The following CLPSL2 variants were observed in gnomAD, a reference collection of about 807,000 sequenced individuals.
CLPSL2 encodes the protein colipase-like protein 2.
CLPSL2 carries 4 observed loss-of-function variants against 7.9 expected under a neutral mutation model. The observed-to-expected ratio is 0.50, with a 90% confidence interval of 0.25 to 1.15. CLPSL2 has a LOEUF of 1.15. Ranked by LOEUF, CLPSL2 falls within the 50% of genes most tolerant of loss-of-function variation. CLPSL2 has a pLI of 0.15. For synonymous variants in CLPSL2, 67 were observed against 53.1 expected (o/e 1.26, Z -1.14); for missense variants, 132 against 136.6 (o/e 0.97, Z 0.17).
At position 35,777,514 on chromosome 6, in the gene CLPSL2, T is replaced by C. The variant is rs779313231; in HGVS notation, c.140T>C (p.Met47Thr). ...HSECYSGCCL[M>T]DLDSGGAFCA... ...GAGTGCTACAGTGGCTGCTGCCTCA[T>C]GGACTTGGACTCCGGTGGAGCCTTC... The change falls in exon 2 of 3, where the codon ATG becomes ACG. Residue 47 changes from methionine to threonine, a missense_variant. By Grantham distance (81) the Met-to-Thr change is moderately conservative (BLOSUM62 -1). Transcript: ENST00000403376. 4 of 1,613,750 alleles carry C rather than the reference T, an allele frequency of 2.5e-6. No individual in the cohort carries two copies. The South Asian group carries it at 4.4e-5, about 18-fold the overall frequency.
chr6:35,777,510 C>G lies in CLPSL2; in HGVS notation c.136C>G (p.Leu46Val). 6.2e-7 allele frequency: 1 copy of G among 1,613,778 alleles called. No individual in the cohort carries two copies. The highest frequency in any genetic ancestry group is 8.5e-7 in the Non-Finnish European group (1 of 1,179,802). Residue 46 changes from leucine (L) to valine (V), a missense_variant, in exon 2 of 3, where the codon CTC (leucine) becomes GTC (valine). Coordinates refer to ENST00000403376, the MANE Select transcript of CLPSL2 (RefSeq NM_207409.4). ...HHSECYSGCC[L>V]MDLDSGGAFC... is the part of the protein sequence containing the mutation. Reference sequence around the variant, plus strand: ...CTCTGAGTGCTACAGTGGCTGCTGCCTCATGGACTTGGACTCCGGTGGAGC... The same window carrying G: ...CTCTGAGTGCTACAGTGGCTGCTGCGTCATGGACTTGGACTCCGGTGGAGC...
intron 1 of CLPSL2, chr6:35,776,925 T>A (rs1767848638): frequency 4.8e-6 from 2 of 415,704 alleles, no homozygotes; most frequent in Admixed American, 4.5e-5. Flanking sequence ...ACCAGCACCC[T>A]CGCTCCCTCC....
chr6:35,777,793 A>AC, intron 2 of CLPSL2: 1 of 720,606 alleles, frequency 1.4e-6, no homozygotes, highest in South Asian at 1.5e-5. Flanking sequence ...CTGGGGTCAG[A>AC]CCCTCAGCAG....
rs756983652 is a variant in CLPSL2, at chr6:35,779,328, C to T, written c.208-27C>T. 3.3e-6 allele frequency: 5 copies of T among 1,528,220 alleles called. No homozygotes were observed. In the South Asian group the frequency reaches 3.6e-5, roughly 11 times the overall value. 94.7% of individuals were successfully genotyped at this position (1,528,220 alleles called of 1,614,324 possible). ...CCATCCTTCCTGCATCCTGGTGACT[C>T]CCGATTCTCATACCCACTCCCTGCA... is the stretch of plus-strand genomic sequence containing the variant. On this transcript the variant is annotated intron_variant, in intron 2 of 2. Transcript: ENST00000403376.
chr6:35,779,329 C>T (rs1462537850), intron 2 of CLPSL2, 26 bp from the exon 3 acceptor site: 13 of 1,528,808 alleles, frequency 8.5e-6, no homozygotes, highest in Non-Finnish European at 1.2e-5. Flanking sequence ...CTGGTGACTC[C>T]CGATTCTCAT....
At chr6:35,778,000 G>A (rs1441973073) in intron 2 of CLPSL2, 1 of 685,866 alleles carries the variant, frequency 1.5e-6, no homozygotes, top group African/African-American at 1.8e-5. Context: ...CTGTCACCCA[G>A]GCTAGAGTGC....
Position 35,779,550 on chromosome 6 carries a change from G to A in CLPSL2, c.*100G>A. ...TCCTGAGACATTAAAGTCACTTCCT[G>A]TCCTTGGCCTCTGTCTGTACTTTCT... is the stretch of plus-strand genomic sequence containing the variant. On this transcript the variant is annotated 3_prime_UTR_variant, in exon 3 of 3. Transcript: ENST00000403376. 5 of 1,543,312 alleles carry A rather than the reference G, an allele frequency of 3.2e-6. No homozygotes were observed. Among genetic ancestry groups the A allele is most frequent in the Non-Finnish European group, 4.4e-6 (5 of 1,140,018 alleles).
chr6:35,779,063 C>T (rs2478468), intron 2 of CLPSL2, among the ~76,000 whole-genome samples: 41,916 of 151,980 alleles, frequency 0.28, 6,001 homozygotes, highest in South Asian at 0.35. Flanking sequence ...TGAGCCACCG[C>T]GCATGGCCTA....
chr6:35,777,329 C>G, intron 1 of CLPSL2, 130 bp from the exon 2 acceptor site: 2 of 1,053,448 alleles, frequency 1.9e-6, no homozygotes, highest in East Asian at 2.5e-5. Flanking sequence ...ACCAGCCCCC[C>G]AAGGGGTGAC....
intron 1 of CLPSL2, 41 bp from the exon 2 acceptor site, chr6:35,777,418 G>A (rs751776090): frequency 1.2e-6 from 2 of 1,608,524 alleles, no homozygotes; most frequent in Non-Finnish European, 1.7e-6. Flanking sequence ...ACGACTCAGG[G>A]ATTGCTCCCA....
chr6:35,778,639 G>T (rs79538541), intron 2 of CLPSL2, among the ~76,000 whole-genome samples: 2 of 152,182 alleles, frequency 1.3e-5, no homozygotes, highest in Non-Finnish European at 2.9e-5. Context: ...TGCTCAGTAC[G>T]CCCTGTTCCT....
At chr6:35,776,825 A>C (rs1448472291) in intron 1 of CLPSL2, 123 bp downstream of exon 1, 2 of 859,822 alleles carry the variant, frequency 2.3e-6, no homozygotes, top group Non-Finnish European at 3.2e-6. Flanking sequence ...AACCACACCC[A>C]GGCGGGTAGC....
chr6:35,777,650 C>G, intron 2 of CLPSL2, 69 bp downstream of exon 2: 1 of 1,476,168 alleles, frequency 6.8e-7, no homozygotes. Context: ...AAAAAAACAC[C>G]TGGCCCCACC....
intron 2 of CLPSL2, among the ~76,000 whole-genome samples, chr6:35,778,871 G>C (rs1463245931): frequency 6.6e-6 from 1 of 152,088 alleles, no homozygotes; most frequent in Non-Finnish European, 1.5e-5. Flanking sequence ...TTGGCCCACT[G>C]CAACCTCCAC....
chr6:35,777,415 A>C (rs1343728341), intron 1 of CLPSL2, 44 bp from the exon 2 acceptor site: 1 of 1,605,688 alleles, frequency 6.2e-7, no homozygotes, highest in South Asian at 1.1e-5. Flanking sequence ...CACACGACTC[A>C]GGGATTGCTC....
chr6:35,779,207 C>A, intron 2 of CLPSL2, 148 bp from the exon 3 acceptor site: 1 of 571,994 alleles, frequency 1.7e-6, no homozygotes, highest in Non-Finnish European at 3.0e-6. Flanking sequence ...CATTGACTTG[C>A]TGAAGGTCAC....
Position 35,777,519 on chromosome 6 carries a change from T to G in CLPSL2, c.145T>G (p.Leu49Val). The stretch of plus-strand genomic sequence containing the variant: ...CTACAGTGGCTGCTGCCTCATGGAC[T>G]TGGACTCCGGTGGAGCCTTCTGTGC... ...ECYSGCCLMD[L>V]DSGGAFCAPR... Residue 49 changes from leucine to valine, a missense_variant, in exon 2 of 3, where the codon TTG (leucine) becomes GTG (valine). Leu to Val is a conservative substitution (Grantham distance 32). Coordinates refer to ENST00000403376, the MANE Select transcript of CLPSL2 (RefSeq NM_207409.4). 6.2e-7 allele frequency: 1 copy of G among 1,613,752 alleles called. No homozygotes were observed. The highest frequency in any genetic ancestry group is 8.5e-7 in the Non-Finnish European group (1 of 1,179,828).
chr6:35,776,694 T>C lies in CLPSL2; in HGVS notation c.76T>C (p.Tyr26His). The C allele has an allele frequency of 6.9e-7, 1 of 1,440,296 alleles. No homozygotes were observed. The highest frequency in any genetic ancestry group is 3.0e-5 in the East Asian group (1 of 33,468). The allele number at this position is 1,440,296 out of a possible 1,614,324, so 89.2% of individuals were successfully genotyped here. The change falls in exon 1 of 3, where the codon TAT (tyrosine) becomes CAT (histidine). Residue 26 changes from tyrosine to histidine, a missense_variant. Tyr to His is a moderately conservative substitution (Grantham distance 83). Transcript: ENST00000403376. The stretch of plus-strand genomic sequence containing the variant: ...GCCCCTCTGGAGCGCGCTTCCGCAA[T>C]ATAAAAAGGTGAGCCGGGGAGCGCG... Reference protein sequence around the residue: ...VLPLWSALPQYKKKITDRCFH... With the variant: ...VLPLWSALPQHKKKITDRCFH...
chr6:35,777,585 A>T lies in CLPSL2; in HGVS notation c.207+4A>T, dbSNP rs75729453. ...AACCATGATCTGCTTGCCCCAGGTG[A>T]GGCCCTAGTATGGGGCAACTTCTGG... On this transcript the variant is annotated splice_donor_region_variant and intron_variant, in intron 2 of 2. Coordinates refer to ENST00000403376, the MANE Select transcript of CLPSL2 (RefSeq NM_207409.4). 6.2e-7 allele frequency: 1 copy of T among 1,612,112 alleles called. No individual in the cohort carries two copies. Among genetic ancestry groups the T allele is most frequent in the Non-Finnish European group, 8.5e-7 (1 of 1,179,044 alleles).
Sources: gnomAD v4.1 joint callset for allele counts (sites outside exome capture counted in the v4.1 genomes callset) on GRCh38, gnomAD v4.1.1 for gene constraint, MANE v1.5 for transcripts, NCBI Gene and HGNC (gene_info 2026-07-23, HGNC 2026-07-21) for gene names.